Variants in TET2 observed in about 807,000 individuals in gnomAD.
TET2 encodes the protein tet methylcytosine dioxygenase 2, also known as methylcytosine dioxygenase TET2.
Under a neutral mutation model 142.9 loss-of-function variants are expected in TET2, and 299 were observed. The observed-to-expected ratio is 2.09, with a 90% CI of 1.90 to 2.30. The LOEUF (loss-of-function observed/expected upper bound fraction) is 2.30, where lower values mean the gene tolerates loss of function less well. Ranked by LOEUF, TET2 falls within the 30% of genes most tolerant of loss-of-function variation. The pLI, the probability that TET2 is intolerant of heterozygous loss-of-function variation, is 0.00. For missense variants in TET2, 2,418 were observed against 2,378.0 expected, an observed-to-expected ratio of 1.02 and a Z score of -0.35; for synonymous variants, 819 against 849.0, an observed-to-expected ratio of 0.96 and a Z score of 0.61.
At chr4:105,245,332 A>ATT (rs879597005) in intron 6 of TET2, among the ~76,000 whole-genome samples, 1 of 144,352 alleles carries the variant, frequency 6.9e-6, no homozygotes. Context: ...TTAAGCATAA[A>ATT]TTTTTTTTTT....
rs1731023984 is a variant in TET2, at chr4:105,272,687, G to C, written c.4306G>C (p.Glu1436Gln). Residue 1436 changes from glutamate to glutamine, a missense_variant, in exon 10 of 11, where the codon GAG (glutamate) becomes CAG (glutamine). Glu to Gln is a conservative substitution (Grantham distance 29). Coordinates refer to ENST00000380013, the MANE Select transcript of TET2 (RefSeq NM_001127208.3). ...VDEFGSVEAQEEKKRSGAIQV... is the reference protein window; with the variant it reads ...VDEFGSVEAQQEKKRSGAIQV... Reference sequence around the variant, plus strand: ...TGAGTTTGGGAGTGTGGAAGCTCAGGAGGAGAAAAAACGGAGTGGTGCCAT... The same window carrying C: ...TGAGTTTGGGAGTGTGGAAGCTCAGCAGGAGAAAAAACGGAGTGGTGCCAT... 1.9e-6 allele frequency: 3 copies of C among 1,551,576 alleles called. No individual in the cohort carries two copies. Among genetic ancestry groups the C allele is most frequent in the Non-Finnish European group, 2.6e-6 (3 of 1,146,986 alleles).
At chr4:105,183,331 A>G (rs1197776024) in intron 1 of TET2, among the ~76,000 whole-genome samples, 1 of 152,196 alleles carries the variant, frequency 6.6e-6, no homozygotes, top group East Asian at 1.9e-4. Flanking sequence ...ATATATTACA[A>G]TGTAAGGGAT....
At chr4:105,224,684 G>GTCTCTC (rs34870510) in intron 2 of TET2, among the ~76,000 whole-genome samples, 6,645 of 108,002 alleles carry the variant, frequency 0.062, 673 homozygotes, top group South Asian at 0.099. Context: ...ATATCAGCCA[G>GTCTCTC]TCTCTCTCTC....
intron 1 of TET2, among the ~76,000 whole-genome samples, chr4:105,148,251 C>T (rs772763658): frequency 1.1e-4 from 16 of 152,128 alleles, no homozygotes; most frequent in Middle Eastern, 3.2e-3. Flanking sequence ...TGGTTATTCC[C>T]CTCATGATAT....
At chr4:105,150,896 A>G (rs894834171) in intron 1 of TET2, among the ~76,000 whole-genome samples, 7 of 152,196 alleles carry the variant, frequency 4.6e-5, no homozygotes, top group African/African-American at 1.7e-4. Flanking sequence ...TACAATCCAA[A>G]AAGAATTATG....
intron 2 of TET2, among the ~76,000 whole-genome samples, chr4:105,194,330 AGTCATTGTTG>A (rs1158991209): frequency 6.6e-6 from 1 of 152,080 alleles, no homozygotes; most frequent in African/African-American, 2.4e-5. Context: ...TCCCACCTTT[AGTCATTGTTG>A]AAGTTTCCTG....
intron 2 of TET2, among the ~76,000 whole-genome samples, chr4:105,228,063 C>G (rs1489646793): frequency 1.3e-5 from 2 of 152,070 alleles, no homozygotes; most frequent in Non-Finnish European, 2.9e-5. Context: ...CAAAATAATA[C>G]TTTATCAACA....
At chr4:105,163,854 A>AGAGAGAGAGAGTGTGTGT (rs1553942671) in intron 1 of TET2, among the ~76,000 whole-genome samples, 5 of 85,234 alleles carry the variant, frequency 5.9e-5, no homozygotes, top group Non-Finnish European at 1.2e-4. Context: ...AGAGAGAGAG[A>AGAGAGAGAGAGTGTGTGT]GTGTGTGTGT....
intron 1 of TET2, among the ~76,000 whole-genome samples, chr4:105,159,507 G>C (rs181671361): frequency 3.9e-3 from 600 of 151,984 alleles, no homozygotes; most frequent in South Asian, 0.016. Flanking sequence ...CGCTTGCTTC[G>C]GCCCCCCAAA....
intron 2 of TET2, among the ~76,000 whole-genome samples, chr4:105,230,040 T>TA (rs1365881999): frequency 6.6e-6 from 1 of 151,284 alleles, no homozygotes; most frequent in African/African-American, 2.4e-5. Flanking sequence ...ATTTGTCAGA[T>TA]ATATATATAT....
chr4:105,198,867 A>G lies in TET2; in HGVS notation c.-47+8362A>G, dbSNP rs144216078. Among the ~76,000 whole-genome samples the G allele has an allele frequency of 5.1e-3, 774 of 152,310 alleles. 6 individuals are homozygous for G. Among genetic ancestry groups the G allele is most frequent in the African/African-American group, 0.018 (735 of 41,566 alleles). ...CAAAACATGATAGTCTCATTTGCGA[A>G]GTTACACTATATTAGAGCTTGAACC... On this transcript the variant is annotated intron_variant, in intron 2 of 10. Coordinates refer to ENST00000380013, the MANE Select transcript of TET2 (RefSeq NM_001127208.3).
At chr4:105,240,722 G>C (rs1236541028) in intron 3 of TET2, 7 of 1,080,024 alleles carry the variant, frequency 6.5e-6, no homozygotes, top group Non-Finnish European at 8.0e-6. Context: ...TTCCATCTTT[G>C]TTGGTTTGCA....
In TET2 at chr4:105,275,333, A is replaced by G. The variant is rs1363039915; in HGVS notation, c.4823A>G (p.Tyr1608Cys). Reference protein sequence around the residue: ...YSTSSQAAGSYLNSSNPMNPY... With the variant: ...YSTSSQAAGSCLNSSNPMNPY... ...ACCTCATCTCAAGCTGCAGGTTCAT[A>G]TTTGAATTCTTCTAATCCCATGAAC... is the stretch of plus-strand genomic sequence containing the variant. The change falls in exon 11 of 11, where the codon TAT (tyrosine) becomes TGT (cysteine). Residue 1608 changes from tyrosine to cysteine, a missense_variant. Coordinates refer to ENST00000380013, the MANE Select transcript of TET2 (RefSeq NM_001127208.3). The G allele has an allele frequency of 3.2e-6, 5 of 1,551,716 alleles. No individual in the cohort carries two copies. The highest frequency in any genetic ancestry group is 1.4e-5 in the African/African-American group (1 of 73,036).
chr4:105,214,286 T>G (rs1204879329), intron 2 of TET2, among the ~76,000 whole-genome samples: 1 of 148,260 alleles, frequency 6.7e-6, no homozygotes, highest in African/African-American at 2.5e-5. Flanking sequence ...TCCTTTCACT[T>G]GTCCCCCGAG....
chr4:105,199,478 C>T (rs770766397), intron 2 of TET2, among the ~76,000 whole-genome samples: 3 of 152,134 alleles, frequency 2.0e-5, no homozygotes, highest in South Asian at 4.1e-4. Context: ...CTTGTTTCTT[C>T]AAGTCCCTCC....
In TET2 at chr4:105,272,656, C is replaced by T. The variant is rs771044065; in HGVS notation, c.4275C>T (p.Asp1425=). 48 of 1,551,498 alleles carry T rather than the reference C, an allele frequency of 3.1e-5. No individual in the cohort carries two copies. Among genetic ancestry groups the T allele is most frequent in the Non-Finnish European group, 7.0e-6 (8 of 1,146,974 alleles). The change falls in exon 10 of 11, where the codon GAC becomes GAT. Residue 1425 remains aspartate (D), a synonymous_variant. Coordinates refer to ENST00000380013, the MANE Select transcript of TET2 (RefSeq NM_001127208.3). ...TTCTGCCTTTATACAAAGTCTCTGA[C>T]GTGGATGAGTTTGGGAGTGTGGAAG... ...LHVLPLYKVS[D]VDEFGSVEAQ...
intron 2 of TET2, among the ~76,000 whole-genome samples, chr4:105,216,032 C>T (rs907290216): frequency 1.3e-5 from 2 of 152,112 alleles, no homozygotes; most frequent in Non-Finnish European, 2.9e-5. Flanking sequence ...TCTTTGTTCT[C>T]CCCTTAAATA....
At position 105,275,862 on chromosome 4, in the gene TET2, CAAG is replaced by C; in HGVS notation, c.5353_5355del (p.Lys1785del). ...CTCTTCATGCCCTGCATCTCCAAAA[CAAG>C]GAGAATGACATGCTTTCCCACACAG... On this transcript the variant is annotated inframe_deletion, in exon 11 of 11. Transcript: ENST00000380013. 1 of 1,551,962 alleles carries C rather than the reference CAAG, an allele frequency of 6.4e-7. No individual in the cohort carries two copies.
At chr4:105,166,874 G>T (rs1724180861) in intron 1 of TET2, among the ~76,000 whole-genome samples, 1 of 151,864 alleles carries the variant, frequency 6.6e-6, no homozygotes, top group Non-Finnish European at 1.5e-5. Context: ...TGTTTATTAG[G>T]ATCTTTATCT....
Sources: gnomAD v4.1 joint callset for allele counts (sites outside exome capture counted in the v4.1 genomes callset) on GRCh38, gnomAD v4.1.1 for gene constraint, MANE v1.5 for transcripts, NCBI Gene and HGNC (gene_info 2026-07-23, HGNC 2026-07-21) for gene names.